The following HTR3C variants were observed in gnomAD, a reference collection of about 807,000 sequenced individuals.
HTR3C encodes the protein 5-hydroxytryptamine receptor 3C.
Under a neutral mutation model 40.5 loss-of-function variants are expected in HTR3C, and 32 were observed. The observed-to-expected ratio is 0.79, with a 90% CI of 0.60 to 1.06. The LOEUF (loss-of-function observed/expected upper bound fraction) is 1.06. HTR3C is among the 50% of genes least tolerant of loss of function. The pLI, the probability that HTR3C is intolerant of heterozygous loss-of-function variation, is 0.00. For missense variants in HTR3C, 523 were observed against 556.8 expected, an observed-to-expected ratio of 0.94 and a Z score of 0.61; for synonymous variants, 209 against 217.1, an observed-to-expected ratio of 0.96 and a Z score of 0.33.
intron 5 of HTR3C, 149 bp downstream of exon 5, chr3:184,057,193 A>G (rs1723345657): frequency 1.7e-6 from 1 of 574,292 alleles, no homozygotes; most frequent in African/African-American, 1.9e-5. Context: ...GGCCAGGCAC[A>G]GTGGTTCACA....
chr3:184,053,457 T>C (rs1309598247), intron 1 of HTR3C, among the ~76,000 whole-genome samples: 1 of 152,126 alleles, frequency 6.6e-6, no homozygotes, highest in Non-Finnish European at 1.5e-5. Flanking sequence ...TCTCTGTTTC[T>C]CCTGACATGA....
At chr3:184,054,115 G>A (rs938526069) in intron 1 of HTR3C, among the ~76,000 whole-genome samples, 1 of 152,116 alleles carries the variant, frequency 6.6e-6, no homozygotes, top group African/African-American at 2.4e-5. Context: ...TCATGATCCC[G>A]ATGCTAGAAA....
chr3:184,054,923 T>C lies in HTR3C; in HGVS notation c.234+36T>C, dbSNP rs1052327087. The C allele has an allele frequency of 1.5e-5, 23 of 1,567,342 alleles. 1 individual carries two copies. The highest frequency in any genetic ancestry group is 2.0e-5 in the Non-Finnish European group (23 of 1,156,634). ...GTCCCTGCATCTTTTCCATGGCTTCTAATAAGGAACGAGGACCCTCTGCCC... is the reference window on the plus strand; with the variant it reads ...GTCCCTGCATCTTTTCCATGGCTTCCAATAAGGAACGAGGACCCTCTGCCC... On this transcript the variant is annotated intron_variant, in intron 2 of 8. Coordinates refer to ENST00000318351, the MANE Select transcript of HTR3C (RefSeq NM_130770.3).
chr3:184,060,264 G>T lies in HTR3C; in HGVS notation c.1256G>T (p.Ser419Ile). Residue 419 changes from serine (S) to isoleucine (I), a missense_variant, in exon 9 of 9, where the codon AGC becomes ATC. Physicochemically the swap from Ser to Ile is moderately radical, Grantham distance 142. Coordinates refer to ENST00000318351, the MANE Select transcript of HTR3C (RefSeq NM_130770.3). ...TQLMELWVQF[S>I]HAMDTLLFRL... Reference sequence around the variant, plus strand: ...CTAATGGAGCTGTGGGTGCAGTTCAGCCACGCGATGGACACCCTGCTCTTC... The same window carrying T: ...CTAATGGAGCTGTGGGTGCAGTTCATCCACGCGATGGACACCCTGCTCTTC... 6.2e-7 allele frequency: 1 copy of T among 1,614,122 alleles called. No homozygotes were observed. The highest frequency in any genetic ancestry group is 8.5e-7 in the Non-Finnish European group (1 of 1,180,012).
chr3:184,057,080 C>G, intron 5 of HTR3C, 36 bp downstream of exon 5: 1 of 1,446,678 alleles, frequency 6.9e-7, no homozygotes, highest in Non-Finnish European at 9.2e-7. Context: ...GTTTAAGATT[C>G]AGGGAAGACA....
intron 2 of HTR3C, 21 bp downstream of exon 2, chr3:184,054,908 CT>C: frequency 6.3e-7 from 1 of 1,580,344 alleles, no homozygotes; most frequent in Non-Finnish European, 8.6e-7. Context: ...GTCCCTGCAT[CT>C]TTTCCATGGC....
intron 6 of HTR3C, among the ~76,000 whole-genome samples, chr3:184,059,145 G>T (rs1723389402): frequency 6.6e-6 from 1 of 152,048 alleles, no homozygotes; most frequent in Non-Finnish European, 1.5e-5. Flanking sequence ...ACTGTAATAA[G>T]CCCTGCTGCT....
chr3:184,060,587 C>G lies in HTR3C; in HGVS notation c.*235C>G. The G allele has an allele frequency of 3.4e-6, 2 of 580,322 alleles. No homozygotes were observed. 35.9% of individuals were successfully genotyped at this position (580,322 alleles called of 1,614,324 possible). On this transcript the variant is annotated 3_prime_UTR_variant, in exon 9 of 9. Coordinates refer to ENST00000318351, the MANE Select transcript of HTR3C (RefSeq NM_130770.3). ...CACCCTCAGTCTCCCTGAGCTACCA[C>G]CTAACTCCTCACTCCCTGATCAATG... is the stretch of plus-strand genomic sequence containing the variant.
chr3:184,056,077 A>T (rs1010346144), intron 3 of HTR3C, 100 bp from the exon 4 acceptor site: 1 of 737,996 alleles, frequency 1.4e-6, no homozygotes. Context: ...CACAAATGGG[A>T]GTGGGAGGAT....
chr3:184,053,207 CCT>C (rs1379624232), intron 1 of HTR3C, 60 bp downstream of exon 1: 1 of 1,205,286 alleles, frequency 8.3e-7, no homozygotes, highest in Non-Finnish European at 1.2e-6. Flanking sequence ...CCTGGACTCA[CCT>C]CTAGCACTTG....
At position 184,055,884 on chromosome 3, in the gene HTR3C, CAAAAAAAAA is replaced by C. The variant is rs71185686; in HGVS notation, c.280-272_280-264del. ...TCTTAGGAAGGTTGAAATAGCAACT[CAAAAAAAAA>C]AAAAAAAAAAAAAAAAAAAAGGCCA... On this transcript the variant is annotated intron_variant, in intron 3 of 8. Transcript: ENST00000318351. Among the ~76,000 whole-genome samples the C allele has an allele frequency of 7.8e-4, 24 of 30,712 alleles. 1 individual carries two copies. Among genetic ancestry groups the C allele is most frequent in the Admixed American group, 4.0e-3 (6 of 1,484 alleles). 20.1% of individuals were successfully genotyped at this position (30,712 alleles called of 152,430 possible).
rs1723302000 is a variant in HTR3C, at chr3:184,055,344, G to A, written c.267G>A (p.Leu89=). ...DAQLQLLTSF[L]WMDLVWDNPF... is the part of the protein sequence containing the mutation. ...AGCTCCAGCTGCTGACATCATTCCT[G>A]TGGATGGATTTGGTAAGGCAGATTC... is the stretch of plus-strand genomic sequence containing the variant. Residue 89 remains leucine, a synonymous_variant, in exon 3 of 9, where the codon CTG becomes CTA. Transcript: ENST00000318351. 1 of 1,607,574 alleles carries A rather than the reference G, an allele frequency of 6.2e-7. No individual in the cohort carries two copies. The highest frequency in any genetic ancestry group is 1.3e-5 in the African/African-American group (1 of 74,780).
In HTR3C at chr3:184,058,408, T is replaced by A; in HGVS notation, c.560-19T>A. On this transcript the variant is annotated intron_variant, in intron 5 of 8. Transcript: ENST00000318351. ...GCTTGGGAAAACGTCTGCAATGAAC[T>A]GACCGGCCTCCCTTCCAGTGGACAG... is the stretch of plus-strand genomic sequence containing the variant. 1 of 1,584,058 alleles carries A rather than the reference T, an allele frequency of 6.3e-7. No homozygotes were observed. Among genetic ancestry groups the A allele is most frequent in the Non-Finnish European group, 8.6e-7 (1 of 1,168,658 alleles).
Position 184,059,656 on chromosome 3 carries a change from C to T in HTR3C, c.925+16C>T. 1.2e-6 allele frequency: 2 copies of T among 1,613,402 alleles called. No individual in the cohort carries two copies. Among genetic ancestry groups the T allele is most frequent in the South Asian group, 2.2e-5 (2 of 91,076 alleles). On this transcript the variant is annotated intron_variant, in intron 7 of 8. Coordinates refer to ENST00000318351, the MANE Select transcript of HTR3C (RefSeq NM_130770.3). ...CCCCTCATCAGTATGGCTCCTCCCA[C>T]TTTCAGGAGGAGAAAGGGCACCCGG...
At chr3:184,059,388 A>G in intron 6 of HTR3C, 48 bp from the exon 7 acceptor site, 1 of 1,530,978 alleles carries the variant, frequency 6.5e-7, no homozygotes, top group Non-Finnish European at 9.0e-7. Flanking sequence ...ATACAAATTG[A>G]GCCCTCTGAC....
rs748352713 is a variant in HTR3C, at chr3:184,056,257, G to A, written c.360G>A (p.Leu120=). Residue 120 remains leucine, a synonymous_variant, in exon 4 of 9, where the codon CTG becomes CTA. Coordinates refer to ENST00000318351, the MANE Select transcript of HTR3C (RefSeq NM_130770.3). ...INKLTVLAEN[L]WLPDIFIVES... ...AACTCACAGTATTAGCTGAAAACCT[G>A]TGGCTCCCAGACATCTTCATCGTGG... is the stretch of plus-strand genomic sequence containing the variant. 2 of 1,613,506 alleles carry A rather than the reference G, an allele frequency of 1.2e-6. No individual in the cohort carries two copies. Among genetic ancestry groups the A allele is most frequent in the Admixed American group, 3.3e-5 (2 of 60,002 alleles).
Position 184,060,446 on chromosome 3 carries a change from C to G in HTR3C, c.*94C>G. ...TTTTCCTAATCTTAGCCACTTATCC[C>G]CAGTGACTACCATGTCCCCTTCTAA... On this transcript the variant is annotated 3_prime_UTR_variant, in exon 9 of 9. Transcript: ENST00000318351. The G allele has an allele frequency of 6.9e-7, 1 of 1,439,260 alleles. No individual in the cohort carries two copies. Among genetic ancestry groups the G allele is most frequent in the Non-Finnish European group, 9.7e-7 (1 of 1,027,872 alleles). 89.2% of individuals were successfully genotyped at this position (1,439,260 alleles called of 1,614,324 possible).
intron 6 of HTR3C, 104 bp from the exon 7 acceptor site, chr3:184,059,332 G>A (rs1393937069): frequency 2.1e-5 from 21 of 978,466 alleles, no homozygotes; most frequent in African/African-American, 4.9e-5. Context: ...TAAAAAGATC[G>A]TCCCCAGCAG....
intron 3 of HTR3C, 111 bp downstream of exon 3, chr3:184,055,467 A>T: frequency 1.2e-6 from 1 of 811,132 alleles, no homozygotes; most frequent in Non-Finnish European, 2.1e-6. Context: ...TAATCCCAGC[A>T]CTTTGGGAGG....
Sources: gnomAD v4.1 joint callset for allele counts (sites outside exome capture counted in the v4.1 genomes callset) on GRCh38, gnomAD v4.1.1 for gene constraint, MANE v1.5 for transcripts, NCBI Gene and HGNC (gene_info 2026-07-23, HGNC 2026-07-21) for gene names.